Variants in ZSWIM8 observed in about 807,000 individuals in gnomAD.
ZSWIM8 encodes the protein zinc finger SWIM domain-containing protein 8.
A neutral mutation model predicts 173.7 loss-of-function variants in ZSWIM8; 27 were observed. The observed-to-expected ratio is 0.16, with a 90% CI of 0.11 to 0.21. The LOEUF (loss-of-function observed/expected upper bound fraction) is 0.21, where lower values mean the gene tolerates loss of function less well. Among genes scored for constraint, ZSWIM8 ranks in the 10% least tolerant of loss-of-function variants. The pLI is 1.00. For synonymous variants in ZSWIM8, 958 were observed against 962.0 expected (o/e 1.00, Z 0.08); for missense variants, 1,627 against 2,428.8 (o/e 0.67, Z 6.94).
Position 73,801,565 on chromosome 10 carries a change from AT to A in ZSWIM8, c.*47del. The A allele has an allele frequency of 6.2e-7, 1 of 1,601,104 alleles. No individual in the cohort carries two copies. Reference sequence around the variant, plus strand: ...TATACAGGGACCCAGGCCTGTGGCTATGGGGGCCCCTCACACAGGGGGAGTG... The same window carrying A: ...TATACAGGGACCCAGGCCTGTGGCTAGGGGGCCCCTCACACAGGGGGAGTG... On this transcript the variant is annotated 3_prime_UTR_variant, in exon 26 of 26. Transcript: ENST00000604729. This position sits in a 1 kb window ranked among gnomAD's most constrained non-coding sequence, Gnocchi z 4.9.
intron 15 of ZSWIM8, among the ~76,000 whole-genome samples, 175 bp downstream of exon 15, chr10:73,795,838 C>G (rs901913495): frequency 8.6e-5 from 13 of 151,966 alleles, no homozygotes; most frequent in African/African-American, 3.1e-4. Context: ...TGGCACATGC[C>G]TGTAGTCCCA....
Position 73,791,914 on chromosome 10 carries a change from G to A in ZSWIM8, c.1375G>A (p.Val459Ile), listed in dbSNP as rs765355013. 3.9e-6 allele frequency: 6 copies of A among 1,551,304 alleles called. No homozygotes were observed. The highest frequency in any genetic ancestry group is 5.2e-6 in the Non-Finnish European group (6 of 1,146,694). ...RQWQLKVIEN[V>I]KRGQHKKTLE... ...GTGGCAACTGAAGGTGATTGAGAAC[G>A]TCAAGCGGGGCCAACACAAGAAGAC... The change falls in exon 10 of 26, where the codon GTC (valine) becomes ATC (isoleucine). Residue 459 changes from valine (V) to isoleucine (I), a missense_variant. Physicochemically the swap from Val to Ile is conservative, Grantham distance 29. Coordinates refer to ENST00000604729, the MANE Select transcript of ZSWIM8 (RefSeq NM_001367799.1). The surrounding 1 kb of genome is among the most constrained non-coding windows in gnomAD (Gnocchi z 6.0).
At position 73,789,667 on chromosome 10, in the gene ZSWIM8, C is replaced by T. The variant is rs1448714151; in HGVS notation, c.631-50C>T. 2 of 1,557,286 alleles carry T rather than the reference C, an allele frequency of 1.3e-6. No homozygotes were observed. The highest frequency in any genetic ancestry group is 2.7e-5 in the African/African-American group (2 of 73,340). On this transcript the variant is annotated intron_variant, in intron 4 of 25. Transcript: ENST00000604729. The surrounding 1 kb of genome is among the most constrained non-coding windows in gnomAD (Gnocchi z 6.8). Reference sequence around the variant, plus strand: ...GCCTCTCTGTCCCCCAGCTCCAGCTCCAGCAAACCTGTTCTCAGATTGTTC... The same window carrying T: ...GCCTCTCTGTCCCCCAGCTCCAGCTTCAGCAAACCTGTTCTCAGATTGTTC...
At chr10:73,794,691 A>G in intron 14 of ZSWIM8, 52 bp downstream of exon 14, 1 of 1,459,488 alleles carries the variant, frequency 6.9e-7, no homozygotes, top group African/African-American at 1.4e-5. Context: ...CTTGAAGGAC[A>G]TGAGACCTGT....
intron 1 of ZSWIM8, chr10:73,786,289 C>T (rs1033766393): frequency 5.3e-6 from 3 of 569,516 alleles, no homozygotes; most frequent in African/African-American, 3.9e-5. Context: ...TCCGGCCTTC[C>T]TGGGGTGGGC....
At position 73,789,289 on chromosome 10, in the gene ZSWIM8, A is replaced by G. The variant is rs556930686; in HGVS notation, c.458-78A>G. ...CAAGAAGCTGGAGCATGTTGTCTGA[A>G]TAACTGCAGGGCCAGGGTCAAGGGC... On this transcript the variant is annotated intron_variant, in intron 3 of 25. Transcript: ENST00000604729. This position sits in a 1 kb window ranked among gnomAD's most constrained non-coding sequence, Gnocchi z 6.8. 27 of 1,592,162 alleles carry G rather than the reference A, an allele frequency of 1.7e-5. No individual in the cohort carries two copies. The East Asian group carries it at 4.5e-4, about 27-fold the overall frequency.
chr10:73,787,603 G>A (rs1286016344), intron 1 of ZSWIM8, among the ~76,000 whole-genome samples: 3 of 152,174 alleles, frequency 2.0e-5, no homozygotes, highest in East Asian at 1.9e-4. Flanking sequence ...TGTAATCCCA[G>A]TACTTTGGGA....
chr10:73,786,093 G>A lies in ZSWIM8; in HGVS notation c.208+7G>A, dbSNP rs1439216311. On this transcript the variant is annotated splice_region_variant and intron_variant, in intron 1 of 25. Coordinates refer to ENST00000604729, the MANE Select transcript of ZSWIM8 (RefSeq NM_001367799.1). ...GGCGGTACCAGAATGCGAGGTGAGAGTGAGCTGGGGGGAAGAGGAGCGGCA... is the reference window on the plus strand; with the variant it reads ...GGCGGTACCAGAATGCGAGGTGAGAATGAGCTGGGGGGAAGAGGAGCGGCA... 1.9e-6 allele frequency: 3 copies of A among 1,550,950 alleles called. No individual in the cohort carries two copies. The highest frequency in any genetic ancestry group is 2.4e-5 in the South Asian group (2 of 84,858).
Position 73,797,876 on chromosome 10 carries a change from T to C in ZSWIM8, c.3758T>C (p.Val1253Ala), listed in dbSNP as rs762061389. Reference protein sequence around the residue: ...AHFYFELAKTVLIKAGGNSST... With the variant: ...AHFYFELAKTALIKAGGNSST... ...TTCTACTTCGAGCTGGCGAAGACAG[T>C]GCTGATCAAGGCAGGGGGCAACAGC... The change falls in exon 19 of 26, where the codon GTG becomes GCG. Residue 1253 changes from valine to alanine, a missense_variant. This residue lies in a region of ZSWIM8 where 95 missense variants were observed against 271.3 expected (regional missense o/e 0.35). Transcript: ENST00000604729. The surrounding 1 kb of genome is among the most constrained non-coding windows in gnomAD (Gnocchi z 5.6). 1 of 1,613,694 alleles carries C rather than the reference T, an allele frequency of 6.2e-7. No homozygotes were observed. Among genetic ancestry groups the C allele is most frequent in the Non-Finnish European group, 8.5e-7 (1 of 1,179,862 alleles).
chr10:73,786,359 TGCGCGC>T (rs1376276386), intron 1 of ZSWIM8: 1 of 378,368 alleles, frequency 2.6e-6, no homozygotes, highest in Non-Finnish European at 4.7e-6. Flanking sequence ...CGCGCGCGCG[TGCGCGC>T]GCTGTGACAG....
rs111674397 is a variant in ZSWIM8, at chr10:73,795,810, A to G, written c.3033+147A>G. 0.016 allele frequency: 13,836 copies of G among 892,244 alleles called. 286 individuals carry two copies. The highest frequency in any genetic ancestry group is 0.069 in the South Asian group (3,859 of 56,228). The allele number at this position is 892,244 out of a possible 1,614,324, so 55.3% of individuals were successfully genotyped here. ...CCGTCTCTACCAAAAAATACAAAAA[A>G]TTAGCAGCTGGGTGTGGTGGCACAT... On this transcript the variant is annotated intron_variant, in intron 15 of 25. Coordinates refer to ENST00000604729, the MANE Select transcript of ZSWIM8 (RefSeq NM_001367799.1).
chr10:73,798,671 A>T (rs2083777172), intron 20 of ZSWIM8, among the ~76,000 whole-genome samples: 1 of 152,234 alleles, frequency 6.6e-6, no homozygotes, highest in African/African-American at 2.4e-5. Context: ...TTTTACAGAT[A>T]AGGAAATGGA....
chr10:73,800,270 C>A lies in ZSWIM8; in HGVS notation c.4826-26C>A. ...TTTGTCTCTCTTTGGGCTCTGAGTT[C>A]CTCACATGGCTCTCACCCCACTTAG... On this transcript the variant is annotated intron_variant, in intron 22 of 25. Coordinates refer to ENST00000604729, the MANE Select transcript of ZSWIM8 (RefSeq NM_001367799.1). This position sits in a 1 kb window ranked among gnomAD's most constrained non-coding sequence, Gnocchi z 4.1. 6.2e-7 allele frequency: 1 copy of A among 1,612,576 alleles called. No individual in the cohort carries two copies. The highest frequency in any genetic ancestry group is 8.5e-7 in the Non-Finnish European group (1 of 1,178,918).
chr10:73,793,033 A>G (rs771698900), intron 10 of ZSWIM8, among the ~76,000 whole-genome samples, 181 bp downstream of exon 10: 1 of 152,188 alleles, frequency 6.6e-6, no homozygotes, highest in African/African-American at 2.4e-5. Flanking sequence ...TTTTCCTGAA[A>G]TGTGATGGTG....
Position 73,797,592 on chromosome 10 carries a change from G to C in ZSWIM8, c.3649G>C (p.Val1217Leu). ...CAGTGGAGGAGCCCGGGCGAAGACT[G>C]TTGAAGTTGGCAGGTCAGTGGGAAG... Reference protein sequence around the residue: ...SASGGARAKTVEVGRYKGRRP... With the variant: ...SASGGARAKTLEVGRYKGRRP... The change falls in exon 18 of 26, where the codon GTT (valine) becomes CTT (leucine). Residue 1217 changes from valine (V) to leucine (L), a missense_variant. Transcript: ENST00000604729. The surrounding 1 kb of genome is among the most constrained non-coding windows in gnomAD (Gnocchi z 5.6). The C allele has an allele frequency of 6.2e-7, 1 of 1,613,866 alleles. No homozygotes were observed. Among genetic ancestry groups the C allele is most frequent in the East Asian group, 2.2e-5 (1 of 44,868 alleles).
At position 73,792,406 on chromosome 10, in the gene ZSWIM8, C is replaced by T. The variant is rs752695248; in HGVS notation, c.1867C>T (p.Leu623=). 11 of 1,604,550 alleles carry T rather than the reference C, an allele frequency of 6.9e-6. No individual in the cohort carries two copies. The South Asian group carries it at 1.1e-4, about 16-fold the overall frequency. Residue 623 remains leucine (L), a synonymous_variant, in exon 10 of 26, where the codon CTG becomes TTG. Transcript: ENST00000604729. The surrounding 1 kb of genome is among the most constrained non-coding windows in gnomAD (Gnocchi z 4.3). ...GGAGCCAGACCTGGCCGAGATGAGC[C>T]TGGATGACAGCAGCCTGGCCCTGGG... The part of the protein sequence containing the change: ...SLEPDLAEMS[L]DDSSLALGAE...
chr10:73,791,490 G>A lies in ZSWIM8; in HGVS notation c.1310G>A (p.Ser437Asn). The part of the protein sequence containing the change: ...WRLAVLDPAL[S>N]PQRRRELCTQ... ...CTGGCCGTGCTGGACCCTGCACTCA[G>A]CCCCCAGCGGTGAGTCTCCCCTGAG... Residue 437 changes from serine (S) to asparagine (N), a missense_variant, in exon 9 of 26, where the codon AGC (serine) becomes AAC (asparagine). By Grantham distance (46) the Ser-to-Asn change is conservative. This residue lies in a region of ZSWIM8 where 103 missense variants were observed against 155.6 expected (regional missense o/e 0.66). Transcript: ENST00000604729. This position sits in a 1 kb window ranked among gnomAD's most constrained non-coding sequence, Gnocchi z 6.0. 1 of 1,599,506 alleles carries A rather than the reference G, an allele frequency of 6.3e-7. No homozygotes were observed. Among genetic ancestry groups the A allele is most frequent in the East Asian group, 2.3e-5 (1 of 44,380 alleles).
rs1261722359 is a variant in ZSWIM8 at position 73,791,913 on chromosome 10, C to T, written c.1374C>T (p.Asn458=). The T allele has an allele frequency of 1.0e-5, 16 of 1,551,006 alleles. No homozygotes were observed. Among genetic ancestry groups the T allele is most frequent in the Middle Eastern group, 1.7e-4 (1 of 5,978 alleles). ...LRQWQLKVIE[N]VKRGQHKKTL... The stretch of plus-strand genomic sequence containing the variant: ...AGTGGCAACTGAAGGTGATTGAGAA[C>T]GTCAAGCGGGGCCAACACAAGAAGA... The change falls in exon 10 of 26, where the codon AAC becomes AAT. Residue 458 remains asparagine (N), a synonymous_variant. Coordinates refer to ENST00000604729, the MANE Select transcript of ZSWIM8 (RefSeq NM_001367799.1). The surrounding 1 kb of genome is among the most constrained non-coding windows in gnomAD (Gnocchi z 6.0).
At position 73,799,343 on chromosome 10, in the gene ZSWIM8, C is replaced by G; in HGVS notation, c.4518C>G (p.His1506Gln). The change falls in exon 21 of 26, where the codon CAC (histidine) becomes CAG (glutamine). Residue 1506 changes from histidine to glutamine, a missense_variant. By Grantham distance (24) the His-to-Gln change is conservative (BLOSUM62 0). Around this residue, in one of 18 missense-constraint regions of ZSWIM8, gnomAD observed 275 missense variants for 290.1 expected, o/e 0.95. Transcript: ENST00000604729. ...CGGGTCCAGGACTGGGGCATGGCCA[C>G]TCCCCTGGCCTGCACCCCTACACTG... ...LYPGPGLGHG[H>Q]SPGLHPYTAL... 1 of 1,610,796 alleles carries G rather than the reference C, an allele frequency of 6.2e-7. No homozygotes were observed. Among genetic ancestry groups the G allele is most frequent in the Non-Finnish European group, 8.5e-7 (1 of 1,178,676 alleles).
Sources: gnomAD v4.1 joint callset for allele counts (sites outside exome capture counted in the v4.1 genomes callset) on GRCh38, gnomAD v4.1.1 for gene constraint, gnomAD v4.1.1 regional missense constraint, Gnocchi (gnomAD v3.1) non-coding constraint, MANE v1.5 for transcripts, NCBI Gene and HGNC (gene_info 2026-07-23, HGNC 2026-07-21) for gene names.